DCLK2: variants seen among roughly 807,000 people sequenced by gnomAD.
DCLK2 encodes the protein serine/threonine-protein kinase DCLK2.
DCLK2 carries 31 observed loss-of-function variants against 78.4 expected under a neutral mutation model. The observed-to-expected ratio is 0.40, with a 90% confidence interval of 0.30 to 0.53. The LOEUF is 0.53. Among genes scored for constraint, DCLK2 ranks in the 20% least tolerant of loss-of-function variants. DCLK2 has a pLI of 0.61. For missense variants in DCLK2, 872 were observed against 973.7 expected (o/e 0.90, Z 1.39); for synonymous variants, 407 against 374.9 (o/e 1.09, Z -0.99).
intron 2 of DCLK2, among the ~76,000 whole-genome samples, chr4:150,124,501 G>A (rs1379049827): frequency 1.3e-5 from 2 of 152,154 alleles, no homozygotes. Context: ...CTGTGCATCA[G>A]TGCATACTGA....
At chr4:150,110,113 G>A (rs1731559925) in intron 2 of DCLK2, among the ~76,000 whole-genome samples, 1 of 152,184 alleles carries the variant, frequency 6.6e-6, no homozygotes, top group African/African-American at 2.4e-5. Flanking sequence ...TTGCAAATTA[G>A]AAGAGATATT....
rs751438505 is a variant in DCLK2 at position 150,198,007 on chromosome 4, C to G, written c.865C>G (p.Arg289Gly). Residue 289 changes from arginine to glycine, a missense_variant, in exon 4 of 16, where the codon CGT becomes GGT. Physicochemically the swap from Arg to Gly is moderately radical, Grantham distance 125. Transcript: ENST00000296550. ...GCACTTTTGTTCTTTTCTAGAATGT[C>G]GTGTCCTGAAGTCATCTTATTCTCG... The part of the protein sequence containing the change: ...DDFVLDHSEC[R>G]VLKSSYSRSS... 13 of 1,610,256 alleles carry G rather than the reference C, an allele frequency of 8.1e-6. No homozygotes were observed. The South Asian group carries it at 1.1e-4, about 14-fold the overall frequency.
At chr4:150,174,174 A>G (rs1174088197) in intron 2 of DCLK2, among the ~76,000 whole-genome samples, 2 of 152,114 alleles carry the variant, frequency 1.3e-5, no homozygotes, top group Non-Finnish European at 2.9e-5. Flanking sequence ...GTGCACACCC[A>G]CAGAGCCAGT....
chr4:150,156,034 A>G (rs1167206314), intron 2 of DCLK2, among the ~76,000 whole-genome samples: 3 of 152,030 alleles, frequency 2.0e-5, no homozygotes, highest in African/African-American at 7.2e-5. Flanking sequence ...AAGGGAAAAG[A>G]GTCTTTTAGG....
chr4:150,177,770 A>G, intron 2 of DCLK2, among the ~76,000 whole-genome samples: 1 of 152,232 alleles, frequency 6.6e-6, no homozygotes, highest in Non-Finnish European at 1.5e-5. Flanking sequence ...AACTTACATA[A>G]AAGTTTTGAA....
At chr4:150,141,726 G>A (rs3922818) in intron 2 of DCLK2, among the ~76,000 whole-genome samples, 20,578 of 152,224 alleles carry the variant, frequency 0.14, 1,724 homozygotes, top group African/African-American at 0.23. Context: ...GCAGAAAGAT[G>A]TGAAGCAATA....
chr4:150,128,586 G>A (rs999903194), intron 2 of DCLK2, among the ~76,000 whole-genome samples: 2 of 152,180 alleles, frequency 1.3e-5, no homozygotes, highest in African/African-American at 4.8e-5. Context: ...GTCCCCAAAT[G>A]TGGGAAGCTG....
At chr4:150,141,590 A>G (rs1027790637) in intron 2 of DCLK2, among the ~76,000 whole-genome samples, 4 of 152,236 alleles carry the variant, frequency 2.6e-5, no homozygotes, top group African/African-American at 9.6e-5. Flanking sequence ...GGTTCTGGGA[A>G]TATTCATTGT....
intron 5 of DCLK2, among the ~76,000 whole-genome samples, chr4:150,211,136 C>T (rs947802706): frequency 5.3e-5 from 8 of 152,148 alleles, no homozygotes; most frequent in East Asian, 1.9e-4. Context: ...GGGCTGTAGC[C>T]GCCTGAAGGC....
At chr4:150,231,883 A>G (rs1403402803) in intron 8 of DCLK2, among the ~76,000 whole-genome samples, 1 of 152,220 alleles carries the variant, frequency 6.6e-6, no homozygotes, top group Non-Finnish European at 1.5e-5. Context: ...AAAACTAAAA[A>G]TGCTTAATGC....
At chr4:150,118,785 G>C (rs1224089700) in intron 2 of DCLK2, among the ~76,000 whole-genome samples, 2 of 152,022 alleles carry the variant, frequency 1.3e-5, no homozygotes, top group African/African-American at 4.8e-5. Context: ...TCCTGGCCAG[G>C]CTGGTCATGA....
At chr4:150,172,953 T>G (rs1736665115) in intron 2 of DCLK2, among the ~76,000 whole-genome samples, 2 of 152,178 alleles carry the variant, frequency 1.3e-5, no homozygotes, top group Non-Finnish European at 2.9e-5. Flanking sequence ...GAGAATCCAC[T>G]TAATTTCTCC....
chr4:150,232,645 G>C lies in DCLK2; in HGVS notation c.1420-37G>C, dbSNP rs376313617. 5.1e-5 allele frequency: 82 copies of C among 1,606,262 alleles called. No individual in the cohort carries two copies. In the African/African-American group the frequency reaches 1.0e-3, roughly 20 times the overall value. The stretch of plus-strand genomic sequence containing the variant: ...TTTCTTACCTTCATAGGATTGCACT[G>C]TTGATGCTTTGATATGTTCTTTTAT... On this transcript the variant is annotated intron_variant, in intron 9 of 15. Transcript: ENST00000296550.
At chr4:150,190,033 T>TAAAAAA (rs1738280164) in intron 2 of DCLK2, among the ~76,000 whole-genome samples, 6 of 4,670 alleles carry the variant, frequency 1.3e-3, no homozygotes, top group Non-Finnish European at 3.0e-3. Context: ...AGACCCTGTC[T>TAAAAAA]CAAAAAAAAA....
At chr4:150,225,556 A>AAGCACTTGAATGT (rs1383563979) in intron 8 of DCLK2, among the ~76,000 whole-genome samples, 13 of 152,250 alleles carry the variant, frequency 8.5e-5, no homozygotes, top group African/African-American at 3.1e-4. Flanking sequence ...TACAGCTACA[A>AAGCACTTGAATGT]AGCACTTGAA....
chr4:150,119,036 A>G (rs897730376), intron 2 of DCLK2, among the ~76,000 whole-genome samples: 3 of 54,178 alleles, frequency 5.5e-5, no homozygotes, highest in African/African-American at 2.2e-4. Flanking sequence ...TCAAAATAAC[A>G]ATAATAATAT....
chr4:150,107,375 A>ATTTTT (rs1353627336), intron 2 of DCLK2, among the ~76,000 whole-genome samples: 5 of 96,944 alleles, frequency 5.2e-5, no homozygotes, highest in African/African-American at 2.1e-4. Context: ...TTTTTTGGTT[A>ATTTTT]TTGTTTTTTT....
chr4:150,136,979 C>CTTTTTTTTTTTTTTTTTTTTTTTT (rs35729685), intron 2 of DCLK2, among the ~76,000 whole-genome samples: 9 of 82,404 alleles, frequency 1.1e-4, no homozygotes, highest in South Asian at 6.4e-4. Flanking sequence ...TCTTCTTCTT[C>CTTTTTTTTTTTTTTTTTTTTTTTT]TTTTTTTTTT....
chr4:150,082,259 A>G (rs1238681075), intron 1 of DCLK2, among the ~76,000 whole-genome samples: 2 of 152,332 alleles, frequency 1.3e-5, no homozygotes, highest in African/African-American at 4.8e-5. Context: ...GTAGTATTTT[A>G]CAACATTATG....
Sources: gnomAD v4.1 joint callset for allele counts (sites outside exome capture counted in the v4.1 genomes callset) on GRCh38, gnomAD v4.1.1 for gene constraint, MANE v1.5 for transcripts, NCBI Gene and HGNC (gene_info 2026-07-23, HGNC 2026-07-21) for gene names.